USP19: variants seen among roughly 807,000 people sequenced by gnomAD.
USP19 encodes the protein ubiquitin specific peptidase 19.
In USP19, 40 loss-of-function variants were observed where a neutral mutation model predicts 144.8. The ratio of observed to expected loss-of-function variants is 0.28; its 90% CI spans 0.21 to 0.36. The LOEUF (loss-of-function observed/expected upper bound fraction) is 0.36. USP19 is among the 10% of genes least tolerant of loss of function. USP19 has a pLI of 1.00. For synonymous variants in USP19, 701 were observed against 709.3 expected (o/e 0.99, Z 0.19); for missense variants, 1,518 against 1,822.5 (o/e 0.83, Z 3.04).
At position 49,117,240 on chromosome 3, in the gene USP19, C is replaced by A; in HGVS notation, c.728G>T (p.Arg243Leu). The change falls in exon 6 of 27, where the codon CGG (arginine) becomes CTG (leucine). Residue 243 changes from arginine to leucine, a missense_variant. Arg to Leu is a moderately radical substitution (Grantham distance 102). This residue lies in a region of USP19 where 707 missense variants were observed against 728.9 expected (regional missense o/e 0.97). Coordinates refer to ENST00000417901, the MANE Select transcript of USP19 (RefSeq NM_001199161.2). The surrounding 1 kb of genome is among the most constrained non-coding windows in gnomAD (Gnocchi z 4.4). ...ACGGCCCTGGGCCCGCTTCTGGTTC[C>A]GGGCCTCCTGCTTAGCCCGGTGGGG... ...PEPHRAKQEA[R>L]NQKRAQGRGE... The A allele has an allele frequency of 6.4e-7, 1 of 1,554,026 alleles. No homozygotes were observed. The highest frequency in any genetic ancestry group is 8.7e-7 in the Non-Finnish European group (1 of 1,150,138).
At position 49,115,954 on chromosome 3, in the gene USP19, G is replaced by A. The variant is rs375278970; in HGVS notation, c.1472-10C>T. ...GCACCACCCACTGCACCTTAAAAAG[G>A]GGGAATGAGAGGGCTGGTGGTTAGC... On this transcript the variant is annotated splice_polypyrimidine_tract_variant and intron_variant, in intron 10 of 26. Transcript: ENST00000417901. This position sits in a 1 kb window ranked among gnomAD's most constrained non-coding sequence, Gnocchi z 6.6. The A allele has an allele frequency of 1.9e-6, 3 of 1,553,772 alleles. No individual in the cohort carries two copies. The highest frequency in any genetic ancestry group is 2.6e-6 in the Non-Finnish European group (3 of 1,152,570).
Position 49,110,655 on chromosome 3 carries a change from G to A in USP19, c.3699-51C>T. 6.2e-7 allele frequency: 1 copy of A among 1,611,472 alleles called. No homozygotes were observed. The highest frequency in any genetic ancestry group is 8.5e-7 in the Non-Finnish European group (1 of 1,178,370). On this transcript the variant is annotated intron_variant, in intron 24 of 26. Coordinates refer to ENST00000417901, the MANE Select transcript of USP19 (RefSeq NM_001199161.2). The surrounding 1 kb of genome is among the most constrained non-coding windows in gnomAD (Gnocchi z 6.1). ...GGGTGAGACAGGCAACAGGCGCTCA[G>A]GATGCCCATCCTGGTCCTCACACCC...
Position 49,117,807 on chromosome 3 carries a change from G to A in USP19, c.322C>T (p.Leu108Phe), listed in dbSNP as rs2107537089. 2.5e-6 allele frequency: 4 copies of A among 1,614,186 alleles called. 1 individual carries two copies. The highest frequency in any genetic ancestry group is 3.4e-6 in the Non-Finnish European group (4 of 1,180,030). Reference protein sequence around the residue: ...KEGACEDPHDLLATPTPELLL... With the variant: ...KEGACEDPHDFLATPTPELLL... ...AACTCTGGAGTGGGAGTAGCCAAGAGATCATGAGGGTCTTCACAAGCTCCT... is the reference window on the plus strand; with the variant it reads ...AACTCTGGAGTGGGAGTAGCCAAGAAATCATGAGGGTCTTCACAAGCTCCT... The change falls in exon 4 of 27, where the codon CTC becomes TTC. Residue 108 changes from leucine to phenylalanine, a missense_variant. Transcript: ENST00000417901. The surrounding 1 kb of genome is among the most constrained non-coding windows in gnomAD (Gnocchi z 4.4).
At chr3:49,118,163 G>T in intron 2 of USP19, 43 bp from the exon 3 acceptor site, 2 of 801,538 alleles carry the variant, frequency 2.5e-6, no homozygotes, top group Non-Finnish European at 3.9e-6. Flanking sequence ...TGGTGAGGAG[G>T]CTGAGGTAGG....
rs2043218185 is a variant in USP19 at position 49,111,941 on chromosome 3, C to T, written c.2873G>A (p.Arg958His). The stretch of plus-strand genomic sequence containing the variant: ...ATAGCCCTCTAGCAACTGAGCGAGG[C>T]GGGCATAAGTGAGGCGTGAGGCAGG... ...SVPASRLTYA[R>H]LAQLLEGYAR... Residue 958 changes from arginine to histidine, a missense_variant, in exon 20 of 27, where the codon CGC (arginine) becomes CAC (histidine). Physicochemically the swap from Arg to His is conservative, Grantham distance 29. Transcript: ENST00000417901. The surrounding 1 kb of genome is among the most constrained non-coding windows in gnomAD (Gnocchi z 5.9). The T allele has an allele frequency of 5.0e-6, 8 of 1,613,922 alleles. No individual in the cohort carries two copies. Among genetic ancestry groups the T allele is most frequent in the South Asian group, 1.1e-5 (1 of 91,086 alleles).
chr3:49,110,824 C>T lies in USP19; in HGVS notation c.3585G>A (p.Lys1195=), dbSNP rs1436839641. Residue 1195 remains lysine, a synonymous_variant, in exon 24 of 27, where the codon AAG becomes AAA. Coordinates refer to ENST00000417901, the MANE Select transcript of USP19 (RefSeq NM_001199161.2). This position sits in a 1 kb window ranked among gnomAD's most constrained non-coding sequence, Gnocchi z 6.1. ...PQCKQHREAS[K]QLLLWRLPNV... ...TTGGCAGGCGCCATAGCAACAGCTGCTTGGAGGCCTCACGGTGCTGTTTGC... is the reference window on the plus strand; with the variant it reads ...TTGGCAGGCGCCATAGCAACAGCTGTTTGGAGGCCTCACGGTGCTGTTTGC... 3 of 1,614,220 alleles carry T rather than the reference C, an allele frequency of 1.9e-6. No homozygotes were observed. The highest frequency in any genetic ancestry group is 2.5e-6 in the Non-Finnish European group (3 of 1,180,042).
rs2044217029 is a variant in USP19 at position 49,116,772 on chromosome 3, T to C, written c.1081A>G (p.Lys361Glu). The C allele has an allele frequency of 6.2e-7, 1 of 1,613,794 alleles. No individual in the cohort carries two copies. Among genetic ancestry groups the C allele is most frequent in the Non-Finnish European group, 8.5e-7 (1 of 1,179,900 alleles). The change falls in exon 7 of 27, where the codon AAG (lysine) becomes GAG (glutamate). Residue 361 changes from lysine to glutamate, a missense_variant. By Grantham distance (56) the Lys-to-Glu change is moderately conservative (BLOSUM62 1). Coordinates refer to ENST00000417901, the MANE Select transcript of USP19 (RefSeq NM_001199161.2). This position sits in a 1 kb window ranked among gnomAD's most constrained non-coding sequence, Gnocchi z 5.0. ...SRNPGKDDCAKEEMAVAADAA... is the reference protein window; with the variant it reads ...SRNPGKDDCAEEEMAVAADAA... ...TCTGCTGCCACTGCCATCTCCTCCT[T>C]GGCACAGTCATCTTTCCCAGGGTTT...
At chr3:49,119,355 C>T (rs1198024324) in intron 1 of USP19, 74 bp from the exon 2 acceptor site, 9 of 574,336 alleles carry the variant, frequency 1.6e-5, no homozygotes, top group Admixed American at 3.3e-5. Context: ...GGCTCAGCAA[C>T]ACAGGACACT....
rs529331065 is a variant in USP19 at position 49,114,003 on chromosome 3, G to A, written c.2494C>T (p.Arg832Cys). 7 of 1,614,156 alleles carry A rather than the reference G, an allele frequency of 4.3e-6. No homozygotes were observed. The highest frequency in any genetic ancestry group is 1.7e-5 in the Admixed American group (1 of 60,030). The stretch of plus-strand genomic sequence containing the variant: ...AAGGACAAAGATACCTCCGCCAAAC[G>A]CAGGTTCTCAGGCTTCACATGAACA... Reference protein sequence around the residue: ...QSVHVKPENLRLAEVIKNRFH... With the variant: ...QSVHVKPENLCLAEVIKNRFH... The change falls in exon 17 of 27, where the codon CGT becomes TGT. Residue 832 changes from arginine (R) to cysteine (C), a missense_variant. Coordinates refer to ENST00000417901, the MANE Select transcript of USP19 (RefSeq NM_001199161.2). The surrounding 1 kb of genome is among the most constrained non-coding windows in gnomAD (Gnocchi z 4.5).
At position 49,115,930 on chromosome 3, in the gene USP19, C is replaced by A; in HGVS notation, c.1486G>T (p.Ala496Ser). Residue 496 changes from alanine to serine, a missense_variant, in exon 11 of 27, where the codon GCA becomes TCA. Ala to Ser is a moderately conservative substitution (Grantham distance 99). Coordinates refer to ENST00000417901, the MANE Select transcript of USP19 (RefSeq NM_001199161.2). The surrounding 1 kb of genome is among the most constrained non-coding windows in gnomAD (Gnocchi z 6.6). ...APAARGAVGG[A>S]KVAVPTGPTP... ...GGACCTGTCGGCACGGCAACCTTTGCACCACCCACTGCACCTTAAAAAGGG... is the reference window on the plus strand; with the variant it reads ...GGACCTGTCGGCACGGCAACCTTTGAACCACCCACTGCACCTTAAAAAGGG... The A allele has an allele frequency of 6.4e-7, 1 of 1,559,696 alleles. No individual in the cohort carries two copies.
In USP19 at chr3:49,117,083, G is replaced by A; in HGVS notation, c.885C>T (p.Pro295=). 6.6e-7 allele frequency: 1 copy of A among 1,520,432 alleles called. No homozygotes were observed. The highest frequency in any genetic ancestry group is 8.8e-7 in the Non-Finnish European group (1 of 1,130,334). The allele number at this position is 1,520,432 out of a possible 1,614,324, so 94.2% of individuals were successfully genotyped here. A position where few individuals can be genotyped will look rare whatever the true frequency, so the allele number is the denominator to read the frequency against. ...CCTGGGTGGCTGGGTCAGCCACGAAGGGTGGGGCATCACCCCGGGGTCCAG... is the reference window on the plus strand; with the variant it reads ...CCTGGGTGGCTGGGTCAGCCACGAAAGGTGGGGCATCACCCCGGGGTCCAG... ...DDPGPRGDAP[P]FVADPATQVE... The change falls in exon 6 of 27, where the codon CCC becomes CCT. Residue 295 remains proline, a synonymous_variant. Transcript: ENST00000417901. This position sits in a 1 kb window ranked among gnomAD's most constrained non-coding sequence, Gnocchi z 4.4.
At position 49,114,249 on chromosome 3, in the gene USP19, C is replaced by T. The variant is rs776297909; in HGVS notation, c.2328G>A (p.Pro776=). ...SITFDPFLYL[P]VPLPQKQKVL... ...CCTTTTGCTTTTGTGGCAAGGGCACCGGCAGATAAAGAAACGGGTCAAAAG... is the reference window on the plus strand; with the variant it reads ...CCTTTTGCTTTTGTGGCAAGGGCACTGGCAGATAAAGAAACGGGTCAAAAG... Residue 776 remains proline (P), a synonymous_variant, in exon 16 of 27, where the codon CCG becomes CCA. Coordinates refer to ENST00000417901, the MANE Select transcript of USP19 (RefSeq NM_001199161.2). This position sits in a 1 kb window ranked among gnomAD's most constrained non-coding sequence, Gnocchi z 4.5. 44 of 1,613,994 alleles carry T rather than the reference C, an allele frequency of 2.7e-5. No individual in the cohort carries two copies. The highest frequency in any genetic ancestry group is 1.7e-5 in the Non-Finnish European group (20 of 1,180,044).
chr3:49,117,686 G>A lies in USP19; in HGVS notation c.443C>T (p.Thr148Ile). ...LQLEDVDAAFTDTDCVVRFAG... is the reference protein window; with the variant it reads ...LQLEDVDAAFIDTDCVVRFAG... ...AAACCGCACCACACAGTCTGTATCT[G>A]TGAAAGCAGCATCTACATCCTCCAG... Residue 148 changes from threonine (T) to isoleucine (I), a missense_variant, in exon 4 of 27, where the codon ACA becomes ATA. Thr to Ile is a moderately conservative substitution (Grantham distance 89). Around this residue, in one of 5 missense-constraint regions of USP19, gnomAD observed 707 missense variants for 728.9 expected, o/e 0.97. Coordinates refer to ENST00000417901, the MANE Select transcript of USP19 (RefSeq NM_001199161.2). The surrounding 1 kb of genome is among the most constrained non-coding windows in gnomAD (Gnocchi z 4.4). 2.5e-6 allele frequency: 4 copies of A among 1,614,224 alleles called. No individual in the cohort carries two copies. Among genetic ancestry groups the A allele is most frequent in the Non-Finnish European group, 3.4e-6 (4 of 1,180,038 alleles).
chr3:49,116,830 A>T lies in USP19; in HGVS notation c.1023T>A (p.Asn341Lys). Residue 341 changes from asparagine (N) to lysine (K), a missense_variant, in exon 7 of 27, where the codon AAT becomes AAA. Asn to Lys is a moderately conservative substitution (Grantham distance 94). This residue lies in a region of USP19 where 707 missense variants were observed against 728.9 expected (regional missense o/e 0.97). Transcript: ENST00000417901. This position sits in a 1 kb window ranked among gnomAD's most constrained non-coding sequence, Gnocchi z 5.0. ...GGACCATGGCTGGAGAGACTGGGTC[A>T]TTCCCGGGAGGCACTGCTTTCTCTC... is the stretch of plus-strand genomic sequence containing the variant. ...LAGEKAVPPG[N>K]DPVSPAMVRS... 1 of 1,614,010 alleles carries T rather than the reference A, an allele frequency of 6.2e-7. No individual in the cohort carries two copies. Among genetic ancestry groups the T allele is most frequent in the African/African-American group, 1.3e-5 (1 of 74,954 alleles).
chr3:49,113,346 G>A (rs1232327504), intron 17 of USP19, among the ~76,000 whole-genome samples: 7 of 134,238 alleles, frequency 5.2e-5, no homozygotes, highest in African/African-American at 1.7e-4. Context: ...GCGCGATCTC[G>A]GCTCACTGCA....
Position 49,108,375 on chromosome 3 carries a change from G to T in USP19, c.*37C>A. The T allele has an allele frequency of 1.2e-6, 1 of 839,362 alleles. No individual in the cohort carries two copies. The highest frequency in any genetic ancestry group is 1.8e-6 in the Non-Finnish European group (1 of 570,350). The allele number at this position is 839,362 out of a possible 1,614,324, so 52.0% of individuals were successfully genotyped here. A position where few individuals can be genotyped will look rare whatever the true frequency, so the allele number is the denominator to read the frequency against. ...CAAGGAGCTGGCCCTCTGTGTGGGT[G>T]TCCCAAACCCAGTCCCCCCCATCAG... On this transcript the variant is annotated 3_prime_UTR_variant, in exon 27 of 27. Coordinates refer to ENST00000417901, the MANE Select transcript of USP19 (RefSeq NM_001199161.2). The surrounding 1 kb of genome is among the most constrained non-coding windows in gnomAD (Gnocchi z 4.8).
At position 49,110,367 on chromosome 3, in the gene USP19, A is replaced by G; in HGVS notation, c.3860-5T>C. On this transcript the variant is annotated splice_polypyrimidine_tract_variant and splice_region_variant and intron_variant, in intron 25 of 26. Transcript: ENST00000417901. The surrounding 1 kb of genome is among the most constrained non-coding windows in gnomAD (Gnocchi z 6.1). ...TGTCATCAAACAAGCGCCAGCCTAC[A>G]GCAGGGTGGGAAGAGTGTGAACAAA... 6.3e-7 allele frequency: 1 copy of G among 1,595,656 alleles called. No individual in the cohort carries two copies.
At position 49,117,152 on chromosome 3, in the gene USP19, C is replaced by G. The variant is rs1354263761; in HGVS notation, c.816G>C (p.Val272=). ...AQAGPSAKRA[V]HLCRGPEGDG... is the part of the protein sequence containing the mutation. ...CCCCCTCTGGCCCTCTGCAGAGATGCACAGCCCTCTTGGCGCTGGGCCCTG... is the reference window on the plus strand; with the variant it reads ...CCCCCTCTGGCCCTCTGCAGAGATGGACAGCCCTCTTGGCGCTGGGCCCTG... The change falls in exon 6 of 27, where the codon GTG becomes GTC. Residue 272 remains valine (V), a synonymous_variant. Coordinates refer to ENST00000417901, the MANE Select transcript of USP19 (RefSeq NM_001199161.2). This position sits in a 1 kb window ranked among gnomAD's most constrained non-coding sequence, Gnocchi z 4.4. 2 of 1,548,780 alleles carry G rather than the reference C, an allele frequency of 1.3e-6. No individual in the cohort carries two copies. The highest frequency in any genetic ancestry group is 3.9e-5 in the Admixed American group (2 of 50,994).
Position 49,115,412 on chromosome 3 carries a change from C to A in USP19, c.1888+32G>T, listed in dbSNP as rs764042830. The A allele has an allele frequency of 1.2e-5, 19 of 1,613,572 alleles. No homozygotes were observed. The East Asian group carries it at 4.2e-4, about 36-fold the overall frequency. On this transcript the variant is annotated intron_variant, in intron 12 of 26. Transcript: ENST00000417901. The surrounding 1 kb of genome is among the most constrained non-coding windows in gnomAD (Gnocchi z 6.6). ...GTGAGGAACAAAGGCACTCTCTCTG[C>A]CCATAACCCAGGCTCCAGGCCCTGC...
Sources: allele counts gnomAD v4.1 joint callset (sites outside exome capture counted in the v4.1 genomes callset), GRCh38; gene constraint gnomAD v4.1.1; regional missense constraint gnomAD v4.1.1; non-coding constraint Gnocchi (gnomAD v3.1); transcripts MANE v1.5; gene names NCBI Gene and HGNC (gene_info 2026-07-23, HGNC 2026-07-21).